Variants in STXBP5L observed in about 807,000 individuals in gnomAD.
The protein encoded by STXBP5L is syntaxin-binding protein 5-like.
STXBP5L carries 65 observed loss-of-function variants against 144.5 expected under a neutral mutation model. The ratio of observed to expected loss-of-function variants is 0.45; its 90% CI spans 0.37 to 0.55. STXBP5L has a LOEUF of 0.55. STXBP5L is among the 20% of genes least tolerant of loss of function. STXBP5L has a pLI of 0.00. For missense variants in STXBP5L, 1,298 were observed against 1,405.5 expected, an observed-to-expected ratio of 0.92 and a Z score of 1.22; for synonymous variants, 505 against 469.6, an observed-to-expected ratio of 1.08 and a Z score of -0.97.
chr3:121,101,626 A>C (rs778845787), intron 5 of STXBP5L, among the ~76,000 whole-genome samples: 1 of 152,134 alleles, frequency 6.6e-6, no homozygotes, highest in Admixed American at 6.6e-5. Flanking sequence ...AGCCAATATC[A>C]TACTGAACAG....
chr3:121,185,439 T>G (rs1216360139), intron 9 of STXBP5L, among the ~76,000 whole-genome samples: 1 of 152,240 alleles, frequency 6.6e-6, no homozygotes, highest in Non-Finnish European at 1.5e-5. Flanking sequence ...AGGTCTGACA[T>G]GTAAGTCTTT....
At chr3:121,001,831 C>A (rs187216043) in intron 3 of STXBP5L, among the ~76,000 whole-genome samples, 1 of 152,310 alleles carries the variant, frequency 6.6e-6, no homozygotes, top group African/African-American at 2.4e-5. Flanking sequence ...TCTTCATGGT[C>A]TGGCCACTCA....
chr3:121,070,722 A>G (rs2107660296), intron 5 of STXBP5L, among the ~76,000 whole-genome samples: 1 of 152,014 alleles, frequency 6.6e-6, no homozygotes, highest in East Asian at 1.9e-4. Flanking sequence ...CTTGTCCTAG[A>G]TTTTTACAGG....
intron 5 of STXBP5L, among the ~76,000 whole-genome samples, chr3:121,076,694 A>G (rs957923296): frequency 1.3e-5 from 2 of 152,146 alleles, no homozygotes; most frequent in African/African-American, 2.4e-5. Context: ...TGGCCAGTCT[A>G]TCTCACAAAG....
At chr3:120,978,873 G>A (rs1026324066) in intron 3 of STXBP5L, among the ~76,000 whole-genome samples, 3 of 152,178 alleles carry the variant, frequency 2.0e-5, no homozygotes, top group South Asian at 2.1e-4. Context: ...TTCGTGAACC[G>A]CGAATGCTGC....
intron 5 of STXBP5L, among the ~76,000 whole-genome samples, chr3:121,098,347 G>A (rs2043235970): frequency 6.6e-6 from 1 of 152,108 alleles, no homozygotes; most frequent in Non-Finnish European, 1.5e-5. Context: ...GGTTAGACAG[G>A]GAGCAAGAGA....
intron 2 of STXBP5L, among the ~76,000 whole-genome samples, chr3:120,921,547 C>T (rs369805565): frequency 5.3e-5 from 8 of 151,966 alleles, no homozygotes; most frequent in African/African-American, 1.9e-4. Flanking sequence ...AAAATCATTG[C>T]CTAGACTGAT....
chr3:121,394,349 G>A (rs4592967), intron 22 of STXBP5L, among the ~76,000 whole-genome samples: 151,939 of 151,982 alleles, frequency 1, 75,948 homozygotes, highest in Non-Finnish European at 1. Context: ...TAGTTATAAG[G>A]TCATATAATC....
At chr3:121,023,148 A>G (rs1324654448) in intron 3 of STXBP5L, among the ~76,000 whole-genome samples, 1 of 147,860 alleles carries the variant, frequency 6.8e-6, no homozygotes, top group Non-Finnish European at 1.5e-5. Flanking sequence ...TCCTTTGACA[A>G]TAGTTGCAAA....
intron 3 of STXBP5L, among the ~76,000 whole-genome samples, chr3:121,021,301 A>G: frequency 6.6e-6 from 1 of 152,190 alleles, no homozygotes; most frequent in East Asian, 1.9e-4. Flanking sequence ...TGAGATAGAC[A>G]GCAGAACAAT....
intron 20 of STXBP5L, chr3:121,357,183 A>G (rs892957431): frequency 2.5e-5 from 5 of 203,462 alleles, no homozygotes; most frequent in South Asian, 1.1e-4. Flanking sequence ...TGACCACATT[A>G]TCATTTGCAT....
chr3:121,377,794 A>G (rs2046227183), intron 20 of STXBP5L, among the ~76,000 whole-genome samples: 1 of 152,214 alleles, frequency 6.6e-6, no homozygotes, highest in African/African-American at 2.4e-5. Context: ...CAGAAATACC[A>G]TTTGACCCAG....
chr3:121,158,243 A>T (rs1223648449), intron 9 of STXBP5L: 1 of 152,188 alleles, frequency 6.6e-6, no homozygotes, highest in African/African-American at 2.4e-5. Flanking sequence ...TATAATTCAG[A>T]TGACTAAATT....
At chr3:121,068,691 C>A (rs2107653988) in intron 5 of STXBP5L, among the ~76,000 whole-genome samples, 1 of 152,122 alleles carries the variant, frequency 6.6e-6, no homozygotes, top group East Asian at 1.9e-4. Context: ...CCCTATAATA[C>A]ATTGCTAATA....
In STXBP5L at chr3:121,198,322, C is replaced by T. The variant is rs191137301; in HGVS notation, c.878-7601C>T. The stretch of plus-strand genomic sequence containing the variant: ...AGTGTCTGTTCACATACTTCTCCCA[C>T]TTTTTGATGGTTTTTTTTTCTTGTA... On this transcript the variant is annotated intron_variant, in intron 9 of 26. Coordinates refer to ENST00000471454, the MANE Select transcript of STXBP5L (RefSeq NM_001308330.2). Among the ~76,000 whole-genome samples the T allele has an allele frequency of 1.5e-3, 229 of 152,112 alleles. 1 individual carries two copies. Among genetic ancestry groups the T allele is most frequent in the Middle Eastern group, 6.8e-3 (2 of 292 alleles).
intron 19 of STXBP5L, among the ~76,000 whole-genome samples, chr3:121,302,695 G>A (rs1050232559): frequency 6.6e-6 from 1 of 152,060 alleles, no homozygotes; most frequent in Non-Finnish European, 1.5e-5. Flanking sequence ...ATAGACCAAT[G>A]GAACAGAACA....
intron 5 of STXBP5L, among the ~76,000 whole-genome samples, chr3:121,067,767 GTT>G (rs745784505): frequency 2.0e-5 from 3 of 151,990 alleles, no homozygotes; most frequent in Non-Finnish European, 4.4e-5. Context: ...GATGACTTAT[GTT>G]TTGAATCTAA....
At chr3:121,078,909 C>T (rs962091970) in intron 5 of STXBP5L, among the ~76,000 whole-genome samples, 1 of 152,260 alleles carries the variant, frequency 6.6e-6, no homozygotes, top group Non-Finnish European at 1.5e-5. Context: ...TTGCCACGCG[C>T]AGCCCCAGTT....
intron 9 of STXBP5L, among the ~76,000 whole-genome samples, chr3:121,201,531 T>C (rs1191290223): frequency 6.6e-6 from 1 of 152,226 alleles, no homozygotes; most frequent in African/African-American, 2.4e-5. Flanking sequence ...AATATTGTTA[T>C]GTGTGAATTT....
Sources: allele counts gnomAD v4.1 joint callset (sites outside exome capture counted in the v4.1 genomes callset), GRCh38; gene constraint gnomAD v4.1.1; transcripts MANE v1.5; gene names NCBI Gene and HGNC (gene_info 2026-07-23, HGNC 2026-07-21).